SMARCA2: variants seen among roughly 807,000 people sequenced by gnomAD.
SMARCA2 encodes the protein SWI/SNF-related matrix-associated actin-dependent regulator of chromatin subfamily A member 2.
In SMARCA2, 61 loss-of-function variants were observed where a neutral mutation model predicts 199.8. The ratio of observed to expected loss-of-function variants is 0.31; its 90% confidence interval spans 0.25 to 0.38. The LOEUF is 0.38. Ranked by LOEUF, SMARCA2 falls within the 10% of genes least tolerant of loss-of-function variation. The pLI, the probability that SMARCA2 is intolerant of heterozygous loss-of-function variation, is 1.00. For missense variants in SMARCA2, 1,344 were observed against 2,012.2 expected (o/e 0.67, Z 6.35); for synonymous variants, 935 against 732.0 (o/e 1.28, Z -4.48).
In SMARCA2 at chr9:2,056,708, A is replaced by G; in HGVS notation, c.1210A>G (p.Thr404Ala). 1 of 1,614,176 alleles carries G rather than the reference A, an allele frequency of 6.2e-7. No individual in the cohort carries two copies. The highest frequency in any genetic ancestry group is 8.5e-7 in the Non-Finnish European group (1 of 1,180,020). Residue 404 changes from threonine (T) to alanine (A), a missense_variant, in exon 7 of 34, where the codon ACG (threonine) becomes GCG (alanine). Physicochemically the swap from Thr to Ala is moderately conservative, Grantham distance 58. Transcript: ENST00000349721. This position sits in a 1 kb window ranked among gnomAD's most constrained non-coding sequence, Gnocchi z 4.0. ...QEVVACMRRDTTLETALNSKA... is the reference protein window; with the variant it reads ...QEVVACMRRDATLETALNSKA... ...GGTGGTGGCCTGCATGCGCAGGGACACGACCCTGGAGACGGCTCTCAACTC... is the reference window on the plus strand; with the variant it reads ...GGTGGTGGCCTGCATGCGCAGGGACGCGACCCTGGAGACGGCTCTCAACTC...
chr9:2,101,686 A>G (rs1467016292), intron 22 of SMARCA2, 70 bp downstream of exon 22: 1 of 777,500 alleles, frequency 1.3e-6, no homozygotes, highest in Non-Finnish European at 2.2e-6. Flanking sequence ...TCCTCTCTAC[A>G]GTGTTTCCTC....
intron 30 of SMARCA2, among the ~76,000 whole-genome samples, 184 bp from the exon 31 acceptor site, chr9:2,181,957 A>G (rs575313770): frequency 1.3e-5 from 2 of 152,328 alleles, no homozygotes; most frequent in South Asian, 2.1e-4. Context: ...GGCAAAAGGA[A>G]TGACAGTGGG....
At chr9:2,101,402 A>G (rs1822507987) in intron 21 of SMARCA2, among the ~76,000 whole-genome samples, 168 bp from the exon 22 acceptor site, 1 of 152,206 alleles carries the variant, frequency 6.6e-6, no homozygotes, top group Non-Finnish European at 1.5e-5. Context: ...AAAAGTCTGC[A>G]TGCAATATAC....
chr9:2,101,427 A>T (rs1368231500), intron 21 of SMARCA2, 143 bp from the exon 22 acceptor site: 11 of 489,184 alleles, frequency 2.2e-5, no homozygotes, highest in Non-Finnish European at 4.1e-5. Flanking sequence ...TTTCTGGTTC[A>T]TTACGTGTGT....
rs141307670 is a variant in SMARCA2, at chr9:2,123,135, A to G, written c.3763-584A>G. On this transcript the variant is annotated intron_variant, in intron 26 of 33. Transcript: ENST00000349721. The surrounding 1 kb of genome is among the most constrained non-coding windows in gnomAD (Gnocchi z 4.1). Reference sequence around the variant, plus strand: ...ATTCCTCAGACAGTGCCCATGAGGTATTGAAAAGTTAGTATATTCATGGCC... The same window carrying G: ...ATTCCTCAGACAGTGCCCATGAGGTGTTGAAAAGTTAGTATATTCATGGCC... Among the ~76,000 whole-genome samples, 703 of 152,316 alleles carry G rather than the reference A, an allele frequency of 4.6e-3. 20 individuals carry two copies. Among genetic ancestry groups the G allele is most frequent in the Admixed American group, 3.8e-3 (58 of 15,310 alleles).
intron 8 of SMARCA2, 117 bp from the exon 9 acceptor site, chr9:2,060,699 C>T: frequency 2.3e-6 from 2 of 877,832 alleles, no homozygotes; most frequent in Non-Finnish European, 1.8e-6. Flanking sequence ...CCAACTCATC[C>T]AGTTTGCTAC....
chr9:2,140,504 C>G (rs1824409945), intron 27 of SMARCA2, among the ~76,000 whole-genome samples: 1 of 152,192 alleles, frequency 6.6e-6, no homozygotes, highest in Admixed American at 6.5e-5. Flanking sequence ...ATTGACTGTT[C>G]TGTTCTGTCT....
intron 9 of SMARCA2, among the ~76,000 whole-genome samples, chr9:2,065,353 G>A (rs368319849): frequency 6.6e-6 from 1 of 152,152 alleles, no homozygotes; most frequent in East Asian, 1.9e-4. Context: ...GATACTAATG[G>A]GCACATACTC....
In SMARCA2 at chr9:2,192,761, G is replaced by A; in HGVS notation, c.*22G>A. On this transcript the variant is annotated 3_prime_UTR_variant, in exon 34 of 34. Transcript: ENST00000349721. ...GTGATCAGTATGGACCTTTTTCCTT[G>A]GTAGAACTGAATTCCTTCCTCCCCT... The A allele has an allele frequency of 1.3e-6, 2 of 1,582,412 alleles. No homozygotes were observed. The highest frequency in any genetic ancestry group is 2.7e-5 in the African/African-American group (2 of 74,336).
intron 1 of SMARCA2, among the ~76,000 whole-genome samples, chr9:2,027,281 A>G (rs758814736): frequency 6.6e-6 from 1 of 152,014 alleles, no homozygotes; most frequent in Non-Finnish European, 1.5e-5. Context: ...GTCTTTACAA[A>G]AGATAAAAAA....
chr9:2,148,272 G>A (rs1824869541), intron 27 of SMARCA2, among the ~76,000 whole-genome samples: 1 of 151,482 alleles, frequency 6.6e-6, no homozygotes, highest in Non-Finnish European at 1.5e-5. Context: ...ACATGTTTGG[G>A]AACACAGCTG....
chr9:2,024,771 A>G (rs973723287), intron 1 of SMARCA2, among the ~76,000 whole-genome samples: 19 of 152,202 alleles, frequency 1.2e-4, no homozygotes, highest in African/African-American at 2.9e-4. Context: ...GGGATAAAAG[A>G]TTCTGCCTGC....
In SMARCA2 at chr9:2,192,821, T is replaced by C; in HGVS notation, c.*82T>C. The C allele has an allele frequency of 2.0e-6, 2 of 997,906 alleles. No individual in the cohort carries two copies. The highest frequency in any genetic ancestry group is 1.8e-5 in the Admixed American group (1 of 56,918). The allele number at this position is 997,906 out of a possible 1,614,324, so 61.8% of individuals were successfully genotyped here. ...CTACCCAGTGAGTTCATTTGTCATA[T>C]AGGCACTGGGTTGTTTCTATATCAT... On this transcript the variant is annotated 3_prime_UTR_variant, in exon 34 of 34. Coordinates refer to ENST00000349721, the MANE Select transcript of SMARCA2 (RefSeq NM_003070.5).
chr9:2,042,760 T>G (rs1222201615), intron 4 of SMARCA2: 1 of 152,180 alleles, frequency 6.6e-6, no homozygotes, highest in Admixed American at 6.5e-5. Context: ...CATGTCTTTT[T>G]AAATTTTCAA....
intron 9 of SMARCA2, among the ~76,000 whole-genome samples, chr9:2,064,710 TAA>T (rs1820751352): frequency 6.6e-6 from 1 of 152,174 alleles, no homozygotes; most frequent in African/African-American, 2.4e-5. Flanking sequence ...TCACAGGTGA[TAA>T]ACTCTGCCTA....
chr9:2,192,532 T>C lies in SMARCA2; in HGVS notation c.4738-172T>C, dbSNP rs1055908996. 3 of 663,802 alleles carry C rather than the reference T, an allele frequency of 4.5e-6. No homozygotes were observed. In the African/African-American group the frequency reaches 5.5e-5, roughly 12 times the overall value. The allele number at this position is 663,802 out of a possible 1,614,324, so 41.1% of individuals were successfully genotyped here. On this transcript the variant is annotated intron_variant, in intron 33 of 33. Coordinates refer to ENST00000349721, the MANE Select transcript of SMARCA2 (RefSeq NM_003070.5). Reference sequence around the variant, plus strand: ...TTTCAGTAAGAAAAACTTCTCAGCTTAGAGACTGTCGATGCCTCTTTAATG... The same window carrying C: ...TTTCAGTAAGAAAAACTTCTCAGCTCAGAGACTGTCGATGCCTCTTTAATG...
chr9:2,076,091 A>G (rs964487469), intron 12 of SMARCA2, 138 bp from the exon 13 acceptor site: 2 of 624,824 alleles, frequency 3.2e-6, no homozygotes, highest in African/African-American at 1.9e-5. Flanking sequence ...TAGATGTTAC[A>G]TTTACTTCCT....
chr9:2,018,945 T>A (rs1037999065), intron 1 of SMARCA2, among the ~76,000 whole-genome samples: 2 of 152,230 alleles, frequency 1.3e-5, no homozygotes, highest in Non-Finnish European at 2.9e-5. Context: ...CAGATTTGAA[T>A]CCTAGTTGCT....
Position 2,110,746 on chromosome 9 carries a change from GCAAC to G in SMARCA2, c.3456+332_3456+335del, listed in dbSNP as rs1822956498. Among the ~76,000 whole-genome samples the G allele has an allele frequency of 6.6e-6, 1 of 152,186 alleles. No individual in the cohort carries two copies. Among genetic ancestry groups the G allele is most frequent in the South Asian group, 2.1e-4 (1 of 4,826 alleles). The stretch of plus-strand genomic sequence containing the variant: ...CAAAATCATAGCAGTAAGAACAATA[GCAAC>G]CATCATTCATGGGACCCTTAATCTG... On this transcript the variant is annotated intron_variant, in intron 24 of 33. Coordinates refer to ENST00000349721, the MANE Select transcript of SMARCA2 (RefSeq NM_003070.5). The surrounding 1 kb of genome is among the most constrained non-coding windows in gnomAD (Gnocchi z 4.8).
Sources: allele counts gnomAD v4.1 joint callset (sites outside exome capture counted in the v4.1 genomes callset), GRCh38; gene constraint gnomAD v4.1.1; non-coding constraint Gnocchi (gnomAD v3.1); transcripts MANE v1.5; gene names NCBI Gene and HGNC (gene_info 2026-07-23, HGNC 2026-07-21).